The following ANXA8 variants were observed in gnomAD, a reference collection of about 807,000 sequenced individuals.
ANXA8 encodes annexin A8.
In ANXA8, 9 loss-of-function variants were observed where a neutral mutation model predicts 26.8. That is an observed-to-expected ratio of 0.34 (90% CI 0.20 to 0.59). The LOEUF (loss-of-function observed/expected upper bound fraction) is 0.59. Ranked by LOEUF, ANXA8 falls within the 20% of genes least tolerant of loss-of-function variation. The pLI is 0.84. For missense variants in ANXA8, 83 were observed against 238.5 expected (o/e 0.35, Z 4.29); for synonymous variants, 39 against 94.8 (o/e 0.41, Z 3.42).
the ANXA8 span, among the ~76,000 whole-genome samples, chr10:47,775,228 C>A: frequency 7.6e-6 from 1 of 130,880 alleles, no homozygotes; most frequent in African/African-American, 2.8e-5. Flanking sequence ...CAAAAATCAG[C>A]CAGGCGTGAT....
chr10:47,472,070 CCTT>C, intron 10 of ANXA8, 60 bp downstream of exon 10: 1 of 60,942 alleles, frequency 1.6e-5, no homozygotes, highest in Admixed American at 2.6e-4. Context: ...GCTTTGAGCT[CCTT>C]GGCTTTGCAC....
At chr10:47,546,492 C>A in the ANXA8 span, among the ~76,000 whole-genome samples, 7,825 of 129,618 alleles carry the variant, frequency 0.06, 491 homozygotes, top group Middle Eastern at 0.14. Context: ...AAGCTCCGCC[C>A]CCCGGATTCA....
chr10:47,939,492 T>C, the ANXA8 span, among the ~76,000 whole-genome samples: 1 of 144,294 alleles, frequency 6.9e-6, no homozygotes, highest in Non-Finnish European at 1.5e-5. Context: ...GGTTCTGCTG[T>C]AGCTTTTGTG....
At chr10:47,733,167 T>A in the ANXA8 span, among the ~76,000 whole-genome samples, 2 of 99,654 alleles carry the variant, frequency 2.0e-5, no homozygotes, top group African/African-American at 6.6e-5. Context: ...CTTTCTTTCT[T>A]TCTTTCTTTC....
chr10:47,720,923 G>T, the ANXA8 span, among the ~76,000 whole-genome samples: 1 of 139,150 alleles, frequency 7.2e-6, no homozygotes, highest in Non-Finnish European at 1.6e-5. Flanking sequence ...GTGGTGGGGG[G>T]ATCGCTTGAG....
chr10:47,944,499 C>T, the ANXA8 span, among the ~76,000 whole-genome samples: 5 of 150,244 alleles, frequency 3.3e-5, no homozygotes, highest in Non-Finnish European at 5.9e-5. Context: ...TTGGCTGTGT[C>T]TCCATCCAAA....
At chr10:47,650,935 T>C in the ANXA8 span, among the ~76,000 whole-genome samples, 7 of 148,968 alleles carry the variant, frequency 4.7e-5, no homozygotes, top group Non-Finnish European at 1.0e-4. Context: ...GAAATGCAAA[T>C]AAAAATCACA....
chr10:47,681,522 A>AATTTTTTTTTTTTTTTTTTT, the ANXA8 span, among the ~76,000 whole-genome samples: 1 of 82,916 alleles, frequency 1.2e-5, no homozygotes, highest in Non-Finnish European at 2.6e-5. Flanking sequence ...TTTTATTTTT[A>AATTTTTTTTTTTTTTTTTTT]CTTTTTTTTT....
At chr10:47,733,297 T>TTCTTTCTTTCTTTCTTTCTTTC in the ANXA8 span, among the ~76,000 whole-genome samples, 1 of 71,434 alleles carries the variant, frequency 1.4e-5, no homozygotes. Flanking sequence ...CTTTCTTTCT[T>TTCTTTCTTTCTTTCTTTCTTTC]TTTTTTCTTT....
chr10:47,485,635 G>A, upstream of ANXA8, among the ~76,000 whole-genome samples: 1 of 151,928 alleles, frequency 6.6e-6, no homozygotes, highest in South Asian at 2.1e-4. Flanking sequence ...AGAGAAATAG[G>A]GGATGCAATA....
chr10:47,647,794 A>G, the ANXA8 span, among the ~76,000 whole-genome samples: 1 of 151,940 alleles, frequency 6.6e-6, no homozygotes, highest in Admixed American at 6.5e-5. Context: ...TTTCACATAA[A>G]GTATGAATAC....
chr10:47,490,810 T>TGG, the ANXA8 span, among the ~76,000 whole-genome samples: 2 of 118,288 alleles, frequency 1.7e-5, no homozygotes, highest in Non-Finnish European at 3.4e-5. Flanking sequence ...GACCCATGAG[T>TGG]GGGGCCTGGC....
the ANXA8 span, among the ~76,000 whole-genome samples, chr10:47,966,020 A>G: frequency 1.5e-5 from 2 of 136,952 alleles, no homozygotes; most frequent in African/African-American, 2.6e-5. Flanking sequence ...GCGAAAGACG[A>G]TGGGATGTGG....
the ANXA8 span, among the ~76,000 whole-genome samples, chr10:47,942,265 G>T: frequency 4.1e-5 from 6 of 146,170 alleles, no homozygotes. Flanking sequence ...TGTCAGTGGA[G>T]GCTGGTTTGA....
the ANXA8 span, among the ~76,000 whole-genome samples, chr10:47,704,809 C>CAA: frequency 6.6e-6 from 1 of 151,884 alleles, no homozygotes; most frequent in Non-Finnish European, 1.5e-5. Context: ...ATAAATGTAA[C>CAA]AAAGTATGTG....
the ANXA8 span, among the ~76,000 whole-genome samples, chr10:47,555,877 G>A: frequency 9.2e-5 from 14 of 152,196 alleles, no homozygotes; most frequent in East Asian, 9.6e-4. Flanking sequence ...GATGGATAAT[G>A]ATGAACCTAG....
At chr10:47,591,507 G>T in the ANXA8 span, among the ~76,000 whole-genome samples, 1 of 121,232 alleles carries the variant, frequency 8.2e-6, no homozygotes. Flanking sequence ...GCAGTGGCAT[G>T]ATCTCAGCTC....
chr10:47,673,741 G>T, the ANXA8 span, among the ~76,000 whole-genome samples: 1 of 151,762 alleles, frequency 6.6e-6, no homozygotes, highest in Non-Finnish European at 1.5e-5. Flanking sequence ...AGTATAGAGA[G>T]TTCCCATAAT....
the ANXA8 span, among the ~76,000 whole-genome samples, chr10:47,711,412 A>G: frequency 6.9e-6 from 1 of 145,702 alleles, no homozygotes; most frequent in East Asian, 2.0e-4. Context: ...TAATTTAGAG[A>G]TTGATTCAGT....
Sources: gnomAD v4.1 joint callset for allele counts (sites outside exome capture counted in the v4.1 genomes callset) on GRCh38, gnomAD v4.1.1 for gene constraint, MANE v1.5 for transcripts, NCBI Gene and HGNC (gene_info 2026-07-23, HGNC 2026-07-21) for gene names.